NTRK2: variants seen among roughly 807,000 people sequenced by gnomAD.
NTRK2 encodes the protein neurotrophic receptor tyrosine kinase 2, also known as BDNF/NT-3 growth factors receptor.
NTRK2 carries 13 observed loss-of-function variants against 94.5 expected under a neutral mutation model. The ratio of observed to expected loss-of-function variants is 0.14; its 90% confidence interval spans 0.09 to 0.22. The LOEUF is 0.22. Ranked by LOEUF, NTRK2 falls within the 10% of genes least tolerant of loss-of-function variation. The pLI is 1.00. For synonymous variants in NTRK2, 372 were observed against 407.4 expected (o/e 0.91, Z 1.05); for missense variants, 639 against 1,071.2 (o/e 0.60, Z 5.63).
At chr9:84,928,431 C>T (rs1393297963) in intron 14 of NTRK2, among the ~76,000 whole-genome samples, 1 of 152,160 alleles carries the variant, frequency 6.6e-6, no homozygotes. Flanking sequence ...ATGTGCGGCT[C>T]ATTTCAGATG....
intron 9 of NTRK2, among the ~76,000 whole-genome samples, chr9:84,735,271 G>A (rs1340849454): frequency 6.6e-6 from 1 of 152,178 alleles, no homozygotes; most frequent in Non-Finnish European, 1.5e-5. Flanking sequence ...ACTTCTCAGT[G>A]AGTTGTTAAA....
At chr9:84,681,319 C>A (rs911240705) in intron 2 of NTRK2, among the ~76,000 whole-genome samples, 1 of 152,194 alleles carries the variant, frequency 6.6e-6, no homozygotes, top group African/African-American at 2.4e-5. Flanking sequence ...CTCAGTAATA[C>A]AAGCCACAAA....
At chr9:84,786,410 C>G (rs577319426) in intron 12 of NTRK2, among the ~76,000 whole-genome samples, 9 of 152,230 alleles carry the variant, frequency 5.9e-5, no homozygotes, top group African/African-American at 2.2e-4. Context: ...ATACCAGGAT[C>G]CAAGCCTAGG....
Position 85,023,173 on chromosome 9 carries a change from A to G in NTRK2, c.*1736A>G. 4.3e-6 allele frequency: 1 copy of G among 233,008 alleles called. No individual in the cohort carries two copies. Among genetic ancestry groups the G allele is most frequent in the Non-Finnish European group, 8.5e-6 (1 of 117,864 alleles). The allele number at this position is 233,008 out of a possible 1,614,324, so 14.4% of individuals were successfully genotyped here. The stretch of plus-strand genomic sequence containing the variant: ...CAAATTTAAATAGAAATTTACAGCT[A>G]TTTGAATGGTCAGATATACCAAGAA... On this transcript the variant is annotated 3_prime_UTR_variant, in exon 19 of 19. Coordinates refer to ENST00000277120, the MANE Select transcript of NTRK2 (RefSeq NM_006180.6).
At chr9:84,873,995 C>CT (rs2075970952) in intron 14 of NTRK2, 1 of 1,063,770 alleles carries the variant, frequency 9.4e-7, no homozygotes, top group Non-Finnish European at 1.1e-6. Flanking sequence ...ACATTTCAGT[C>CT]CAATTTCACC....
chr9:84,718,529 T>C (rs1033600198), intron 6 of NTRK2, among the ~76,000 whole-genome samples: 2 of 152,296 alleles, frequency 1.3e-5, no homozygotes, highest in South Asian at 4.1e-4. Flanking sequence ...CAGTACATCC[T>C]TCCTGAAGGA....
chr9:84,697,570 C>T (rs936784909), intron 2 of NTRK2, among the ~76,000 whole-genome samples: 13 of 152,198 alleles, frequency 8.5e-5, no homozygotes, highest in Non-Finnish European at 1.6e-4. Context: ...GCCTGCTGCC[C>T]GCCTGTCAGT....
At chr9:84,943,778 G>A (rs1014263751) in intron 15 of NTRK2, among the ~76,000 whole-genome samples, 2 of 152,102 alleles carry the variant, frequency 1.3e-5, no homozygotes, top group African/African-American at 4.8e-5. Context: ...CTAAAACAGA[G>A]ATGATTTTTA....
chr9:84,783,160 C>G (rs2067767760), intron 12 of NTRK2, among the ~76,000 whole-genome samples: 2 of 152,172 alleles, frequency 1.3e-5, no homozygotes, highest in Admixed American at 1.3e-4. Context: ...TTGCCTCTCA[C>G]AGATGTTTAT....
At chr9:84,714,690 T>C (rs761193120) in intron 6 of NTRK2, among the ~76,000 whole-genome samples, 5 of 152,232 alleles carry the variant, frequency 3.3e-5, no homozygotes, top group African/African-American at 4.8e-5. Context: ...TATCTTCAAG[T>C]TAGATAAGTC....
At chr9:84,811,679 G>A (rs1455562467) in intron 12 of NTRK2, 1 of 1,065,536 alleles carries the variant, frequency 9.4e-7, no homozygotes, top group Non-Finnish European at 1.1e-6. Context: ...AGGAAAGCTT[G>A]TCCTGACCCC....
chr9:84,814,288 G>A (rs2072129476), intron 12 of NTRK2: 2 of 1,065,444 alleles, frequency 1.9e-6, no homozygotes, highest in Non-Finnish European at 2.3e-6. Context: ...ACAGAGCAGA[G>A]GCGACACCTC....
At chr9:84,835,959 AAGAC>A (rs2073847719) in intron 12 of NTRK2, among the ~76,000 whole-genome samples, 1 of 152,188 alleles carries the variant, frequency 6.6e-6, no homozygotes, top group African/African-American at 2.4e-5. Flanking sequence ...GTTGAAGAGT[AAGAC>A]AGGATTTACT....
chr9:84,762,141 C>T (rs902229592), intron 12 of NTRK2, among the ~76,000 whole-genome samples: 2 of 152,194 alleles, frequency 1.3e-5, no homozygotes, highest in Admixed American at 1.3e-4. Context: ...CAGCCCTGTG[C>T]AACTGTGGGT....
chr9:84,675,020 A>G (rs539363945), intron 2 of NTRK2, among the ~76,000 whole-genome samples: 16 of 152,352 alleles, frequency 1.1e-4, no homozygotes, highest in African/African-American at 3.6e-4. Context: ...ACAAGCAAGT[A>G]TTGGGAAGTT....
intron 2 of NTRK2, among the ~76,000 whole-genome samples, chr9:84,675,040 T>C (rs556464138): frequency 6.6e-6 from 1 of 152,336 alleles, no homozygotes; most frequent in African/African-American, 2.4e-5. Flanking sequence ...TGAAGCAATG[T>C]GGTCCCAGTT....
chr9:84,814,812 C>A (rs2072211168), intron 12 of NTRK2: 2 of 1,064,078 alleles, frequency 1.9e-6, no homozygotes, highest in Non-Finnish European at 2.3e-6. Flanking sequence ...ATGGGCAGGG[C>A]CAGTCACATC....
chr9:84,853,093 C>T (rs1372177310), intron 12 of NTRK2, among the ~76,000 whole-genome samples: 5 of 151,942 alleles, frequency 3.3e-5, no homozygotes, highest in African/African-American at 4.8e-5. Flanking sequence ...AAATCTAGGC[C>T]GGTTGACTGA....
At chr9:84,882,925 G>A (rs962008226) in intron 14 of NTRK2, among the ~76,000 whole-genome samples, 2 of 151,976 alleles carry the variant, frequency 1.3e-5, no homozygotes, top group Non-Finnish European at 2.9e-5. Context: ...TACCACACCC[G>A]GCTAATTTTT....
Sources: gnomAD v4.1 joint callset for allele counts (sites outside exome capture counted in the v4.1 genomes callset) on GRCh38, gnomAD v4.1.1 for gene constraint, MANE v1.5 for transcripts, NCBI Gene and HGNC (gene_info 2026-07-23, HGNC 2026-07-21) for gene names.